The following AHRR variants were observed in gnomAD, a reference collection of about 807,000 sequenced individuals.
AHRR encodes aryl hydrocarbon receptor repressor, also known as ahR repressor.
AHRR carries 28 observed loss-of-function variants against 44.0 expected under a neutral mutation model. The observed-to-expected ratio is 0.64, with a 90% CI of 0.47 to 0.87. The LOEUF (loss-of-function observed/expected upper bound fraction) is 0.87. Among genes scored for constraint, AHRR ranks in the 40% least tolerant of loss-of-function variants. The probability of loss-of-function intolerance (pLI) is 0.00; values close to 1 mark genes in which losing one functional copy is unlikely to be tolerated. For synonymous variants in AHRR, 434 were observed against 407.0 expected, an observed-to-expected ratio of 1.07 and a Z score of -0.80; for missense variants, 990 against 953.9, an observed-to-expected ratio of 1.04 and a Z score of -0.50.
At chr5:389,058 A>C (rs1161874211) in intron 4 of AHRR, among the ~76,000 whole-genome samples, 1 of 152,110 alleles carries the variant, frequency 6.6e-6, no homozygotes, top group African/African-American at 2.4e-5. Context: ...CCACATGGTC[A>C]CAGTCTGGGC....
At chr5:353,175 G>GC (rs1421690457) in intron 2 of AHRR, among the ~76,000 whole-genome samples, 1 of 152,134 alleles carries the variant, frequency 6.6e-6, no homozygotes, top group Non-Finnish European at 1.5e-5. Context: ...GGTCTCATTT[G>GC]CCCTGGGTAC....
At chr5:351,680 G>A (rs1458715957) in intron 2 of AHRR, among the ~76,000 whole-genome samples, 1 of 152,184 alleles carries the variant, frequency 6.6e-6, no homozygotes, top group African/African-American at 2.4e-5. Context: ...CTTAGCGACG[G>A]CCCTAAGTGA....
At chr5:421,123 C>G (rs1475125231) in intron 5 of AHRR, 1 of 555,538 alleles carries the variant, frequency 1.8e-6, no homozygotes, top group Non-Finnish European at 3.2e-6. Flanking sequence ...CTGGAGCGTT[C>G]GCGCCTTAAC....
chr5:376,799 C>A, intron 4 of AHRR, 83 bp downstream of exon 4: 3 of 1,239,912 alleles, frequency 2.4e-6, no homozygotes, highest in Non-Finnish European at 3.4e-6. Flanking sequence ...TACTCCGTGT[C>A]ACGCATGTTC....
rs763403491 is a variant in AHRR at position 413,384 on chromosome 5, C to T, written c.392C>T (p.Thr131Met). 54 of 1,613,402 alleles carry T rather than the reference C, an allele frequency of 3.3e-5. No homozygotes were observed. The highest frequency in any genetic ancestry group is 8.3e-5 in the Admixed American group (5 of 59,914). ...GFALVVSAEG[T>M]IFYASATIVD... ...GCTCTGGTCGTGAGTGCAGAAGGGACGATATTTTATGCATCAGCAACGATC... is the reference window on the plus strand; with the variant it reads ...GCTCTGGTCGTGAGTGCAGAAGGGATGATATTTTATGCATCAGCAACGATC... Residue 131 changes from threonine to methionine, a missense_variant, in exon 5 of 11, where the codon ACG (threonine) becomes ATG (methionine). Coordinates refer to ENST00000684583, the MANE Select transcript of AHRR (RefSeq NM_001377236.1).
intron 4 of AHRR, among the ~76,000 whole-genome samples, chr5:380,487 T>C (rs972440377): frequency 1.3e-5 from 2 of 152,322 alleles, no homozygotes; most frequent in Non-Finnish European, 1.5e-5. Flanking sequence ...CTATTTAGGT[T>C]TTCTTTAATT....
At chr5:331,024 G>A (rs1012243437) in intron 1 of AHRR, among the ~76,000 whole-genome samples, 3 of 151,524 alleles carry the variant, frequency 2.0e-5, no homozygotes, top group Non-Finnish European at 2.9e-5. Flanking sequence ...CTACAGGCGC[G>A]TGCCACCATG....
chr5:431,452 T>G (rs539891077), intron 8 of AHRR, among the ~76,000 whole-genome samples: 1 of 152,316 alleles, frequency 6.6e-6, no homozygotes, highest in South Asian at 2.1e-4. Flanking sequence ...CTGAGCTGGA[T>G]TCAGAAGCCG....
At chr5:416,327 G>A (rs1462859237) in intron 5 of AHRR, among the ~76,000 whole-genome samples, 1 of 152,244 alleles carries the variant, frequency 6.6e-6, no homozygotes, top group East Asian at 1.9e-4. Flanking sequence ...ACAATGGCCA[G>A]CAGCGGTGTT....
At position 392,240 on chromosome 5, in the gene AHRR, G is replaced by A. The variant is rs879041523; in HGVS notation, c.351+15524G>A. Among the ~76,000 whole-genome samples, 6 of 75,266 alleles carry A rather than the reference G, an allele frequency of 8.0e-5. 1 individual carries two copies. The South Asian group carries it at 3.2e-3, about 40-fold the overall frequency. 49.4% of individuals were successfully genotyped at this position (75,266 alleles called of 152,430 possible). A position where few individuals can be genotyped will look rare whatever the true frequency, so the allele number is the denominator to read the frequency against. ...GCGTGCACGGGCGCAGGGCGATGAG[G>A]GCGCAGGGCGAGGCAGGGCCAGAGC... is the stretch of plus-strand genomic sequence containing the variant. On this transcript the variant is annotated intron_variant, in intron 4 of 10. Transcript: ENST00000684583.
intron 6 of AHRR, among the ~76,000 whole-genome samples, chr5:423,235 A>G (rs1258468973): frequency 6.6e-6 from 1 of 152,208 alleles, no homozygotes; most frequent in Non-Finnish European, 1.5e-5. Context: ...GAGTTATCCA[A>G]TAAAAGTCCC....
chr5:368,461 T>G (rs1028703978), intron 3 of AHRR, among the ~76,000 whole-genome samples: 1 of 152,266 alleles, frequency 6.6e-6, no homozygotes, highest in Non-Finnish European at 1.5e-5. Context: ...TTTTACAAAA[T>G]GTTTCTTGAA....
rs1028211278 is a variant in AHRR at position 436,917 on chromosome 5, C to T, written c.*2083C>T. On this transcript the variant is annotated 3_prime_UTR_variant, in exon 11 of 11. Coordinates refer to ENST00000684583, the MANE Select transcript of AHRR (RefSeq NM_001377236.1). The stretch of plus-strand genomic sequence containing the variant: ...ACAGAGCCCCTCTTTATTCATTTCT[C>T]ATGCTGAGCATGGCACACTTCTGGC... The T allele has an allele frequency of 6.6e-6, 1 of 152,402 alleles. No homozygotes were observed. Among genetic ancestry groups the T allele is most frequent in the Non-Finnish European group, 1.5e-5 (1 of 68,058 alleles). 9.4% of individuals were successfully genotyped at this position (152,402 alleles called of 1,614,324 possible).
intron 4 of AHRR, chr5:403,805 G>C: frequency 6.5e-7 from 1 of 1,536,358 alleles, no homozygotes; most frequent in Non-Finnish European, 9.0e-7. Context: ...TGGGTCTCTT[G>C]AGTTTCTCGA....
intron 8 of AHRR, among the ~76,000 whole-genome samples, chr5:431,715 T>G (rs892865345): frequency 6.6e-6 from 1 of 152,198 alleles, no homozygotes; most frequent in African/African-American, 2.4e-5. Flanking sequence ...TGCCTCTTCC[T>G]GAAGCCCATT....
chr5:351,929 G>T (rs746684259), intron 2 of AHRR, among the ~76,000 whole-genome samples: 1 of 152,168 alleles, frequency 6.6e-6, no homozygotes, highest in Non-Finnish European at 1.5e-5. Flanking sequence ...GAAAAATAAG[G>T]AACTTCTTGA....
chr5:355,646 T>G (rs1743012861), intron 3 of AHRR, among the ~76,000 whole-genome samples: 1 of 152,198 alleles, frequency 6.6e-6, no homozygotes, highest in Non-Finnish European at 1.5e-5. Flanking sequence ...TCCAGCAAGT[T>G]TGGACACCTG....
rs531597616 is a variant in AHRR at position 402,496 on chromosome 5, C to T, written c.352-10848C>T. ...GAGGGTGTGGAGAGAAGGGGACCCT[C>T]GTGCACTGTTGGCGGGAAGGCAGTC... On this transcript the variant is annotated intron_variant, in intron 4 of 10. Transcript: ENST00000684583. 5.4e-5 allele frequency among the ~76,000 whole-genome samples: 8 copies of T among 147,470 alleles called. No homozygotes were observed. The South Asian group carries it at 6.7e-4, about 12-fold the overall frequency.
At chr5:376,552 A>G in intron 3 of AHRR, 58 bp from the exon 4 acceptor site, 1 of 1,409,242 alleles carries the variant, frequency 7.1e-7, no homozygotes, top group Non-Finnish European at 9.6e-7. Context: ...ATGTGAATGA[A>G]GAAGAGTGGC....
Sources: gnomAD v4.1 joint callset for allele counts (sites outside exome capture counted in the v4.1 genomes callset) on GRCh38, gnomAD v4.1.1 for gene constraint, MANE v1.5 for transcripts, NCBI Gene and HGNC (gene_info 2026-07-23, HGNC 2026-07-21) for gene names.